MYOT: variants seen among roughly 807,000 people sequenced by gnomAD.
MYOT encodes 57 kDa cytoskeletal protein.
A neutral mutation model predicts 58.0 loss-of-function variants in MYOT; 36 were observed. That is an observed-to-expected ratio of 0.62 (90% CI 0.48 to 0.82). MYOT has a LOEUF of 0.82. Among genes scored for constraint, MYOT ranks in the 40% least tolerant of loss-of-function variants. The pLI is 0.00. For missense variants in MYOT, 505 were observed against 592.1 expected, an observed-to-expected ratio of 0.85 and a Z score of 1.53; for synonymous variants, 218 against 204.6, an observed-to-expected ratio of 1.07 and a Z score of -0.56.
chr5:137,887,101 T>C, intron 9 of MYOT, 104 bp downstream of exon 9: 1 of 1,549,706 alleles, frequency 6.5e-7, no homozygotes, highest in Non-Finnish European at 8.9e-7. Flanking sequence ...ATTTTCCCCA[T>C]ATATAATCAG....
rs1755025719 is a variant in MYOT at position 137,870,812 on chromosome 5, C to T, written c.161C>T (p.Ala54Val). Residue 54 changes from alanine (A) to valine (V), a missense_variant, in exon 2 of 10, where the codon GCC becomes GTC. Physicochemically the swap from Ala to Val is moderately conservative, Grantham distance 64. Transcript: ENST00000239926. The stretch of plus-strand genomic sequence containing the variant: ...CAGTGTACAGAGCAAAGATTTTCTG[C>T]CTCCTCAACACTGAGCTCTCACATC... ...PRQCTEQRFS[A>V]SSTLSSHITM... 1 of 1,614,150 alleles carries T rather than the reference C, an allele frequency of 6.2e-7. No homozygotes were observed. Among genetic ancestry groups the T allele is most frequent in the Middle Eastern group, 1.6e-4 (1 of 6,062 alleles).
chr5:137,870,154 A>G (rs1042215540), intron 1 of MYOT, among the ~76,000 whole-genome samples: 5 of 151,256 alleles, frequency 3.3e-5, no homozygotes, highest in Admixed American at 2.6e-4. Flanking sequence ...AGAAAGAAAG[A>G]AAAAAAGAAA....
At chr5:137,872,542 C>T (rs986076672) in intron 2 of MYOT, among the ~76,000 whole-genome samples, 4 of 152,210 alleles carry the variant, frequency 2.6e-5, no homozygotes, top group African/African-American at 9.7e-5. Flanking sequence ...TTTAGCTGTT[C>T]CATTTTCAGC....
At chr5:137,883,209 G>A (rs1755490806) in intron 6 of MYOT, 175 bp from the exon 7 acceptor site, 1 of 618,404 alleles carries the variant, frequency 1.6e-6, no homozygotes, top group Admixed American at 2.7e-5. Context: ...TAATTTCAAG[G>A]ATCTTATTTC....
Position 137,886,178 on chromosome 5 carries a change from T to C in MYOT, c.1155T>C (p.Asn385=). 6.2e-7 allele frequency: 1 copy of C among 1,612,262 alleles called. No homozygotes were observed. The highest frequency in any genetic ancestry group is 8.5e-7 in the Non-Finnish European group (1 of 1,178,640). Residue 385 remains asparagine (N), a synonymous_variant, in exon 8 of 10, where the codon AAT becomes AAC. Coordinates refer to ENST00000239926, the MANE Select transcript of MYOT (RefSeq NM_006790.3). ...IPPPKLFWKR[N]NEMVQFNTDR... ...CACCAAAGCTTTTCTGGAAAAGAAA[T>C]AATGAAATGGTACAATTCAACACTG...
chr5:137,869,204 T>C (rs1249259113), intron 1 of MYOT, among the ~76,000 whole-genome samples: 1 of 152,210 alleles, frequency 6.6e-6, no homozygotes, highest in East Asian at 1.9e-4. Flanking sequence ...TGGTTAATTT[T>C]TCAGTTAAAA....
intron 2 of MYOT, among the ~76,000 whole-genome samples, chr5:137,875,372 AAACT>A (rs1208324789): frequency 9.2e-5 from 14 of 152,284 alleles, no homozygotes; most frequent in Admixed American, 5.9e-4. Flanking sequence ...AAGGGTTCAA[AAACT>A]AACTATCAGG....
intron 7 of MYOT, 115 bp from the exon 8 acceptor site, chr5:137,885,932 GT>G (rs1034414038): frequency 1.5e-6 from 1 of 661,874 alleles, no homozygotes; most frequent in African/African-American, 1.8e-5. Context: ...GTTTCTTTCT[GT>G]TGCTGTTGCT....
At chr5:137,886,602 C>T in intron 8 of MYOT, 1 of 509,050 alleles carries the variant, frequency 2.0e-6, no homozygotes. Context: ...CCCCTCCATT[C>T]CCCTATACAT....
rs1755011445 is a variant in MYOT, at chr5:137,870,494, C to G, written c.-158C>G. 3 of 721,708 alleles carry G rather than the reference C, an allele frequency of 4.2e-6. No individual in the cohort carries two copies. The highest frequency in any genetic ancestry group is 7.5e-6 in the Non-Finnish European group (3 of 398,428). The allele number at this position is 721,708 out of a possible 1,614,324, so 44.7% of individuals were successfully genotyped here. A position where few individuals can be genotyped will look rare whatever the true frequency, so the allele number is the denominator to read the frequency against. On this transcript the variant is annotated 5_prime_UTR_variant, in exon 2 of 10. Coordinates refer to ENST00000239926, the MANE Select transcript of MYOT (RefSeq NM_006790.3). The stretch of plus-strand genomic sequence containing the variant: ...CTACCAAAGCCAGGAGCACAGTATT[C>G]TCAGGATCTCAACAAGGAAGAGCAG...
chr5:137,885,336 A>G (rs1755561990), intron 7 of MYOT, among the ~76,000 whole-genome samples: 1 of 152,204 alleles, frequency 6.6e-6, no homozygotes, highest in Admixed American at 6.5e-5. Flanking sequence ...AACAATAGAT[A>G]AAACTGAGAC....
chr5:137,886,770 A>C, intron 8 of MYOT, 94 bp from the exon 9 acceptor site: 1 of 945,244 alleles, frequency 1.1e-6, no homozygotes, highest in East Asian at 2.6e-5. Context: ...GAATTTTCAA[A>C]TGTTTTTTTC....
chr5:137,877,392 T>C (rs937830651), intron 3 of MYOT, 128 bp from the exon 4 acceptor site: 3 of 284,246 alleles, frequency 1.1e-5, no homozygotes, highest in Admixed American at 1.1e-4. Context: ...AAAAAAAAAA[T>C]AGAATCTATC....
chr5:137,879,704 T>TTC (rs1466470596), intron 4 of MYOT, among the ~76,000 whole-genome samples: 1 of 145,160 alleles, frequency 6.9e-6, no homozygotes, highest in Admixed American at 6.9e-5. Flanking sequence ...TTTTTTTTTT[T>TTC]TTTTTGTATT....
chr5:137,872,681 C>T (rs150015258), intron 2 of MYOT, among the ~76,000 whole-genome samples: 4 of 152,282 alleles, frequency 2.6e-5, no homozygotes, highest in East Asian at 3.9e-4. Context: ...GGCTCCAGTT[C>T]GCCCTGACTT....
chr5:137,875,319 A>G (rs1755174885), intron 2 of MYOT, among the ~76,000 whole-genome samples: 1 of 152,206 alleles, frequency 6.6e-6, no homozygotes, highest in Admixed American at 6.5e-5. Flanking sequence ...AAAGATGAAA[A>G]CAATAAACAC....
At chr5:137,877,359 C>A (rs1755261427) in intron 3 of MYOT, among the ~76,000 whole-genome samples, 161 bp from the exon 4 acceptor site, 5 of 132,344 alleles carry the variant, frequency 3.8e-5, no homozygotes, top group Non-Finnish European at 7.8e-5. Context: ...CGGAGTAAGA[C>A]TCCGTCTCAA....
chr5:137,886,607 A>G (rs1365159085), intron 8 of MYOT: 1 of 518,128 alleles, frequency 1.9e-6, no homozygotes, highest in African/African-American at 1.9e-5. Context: ...CCATTCCCCT[A>G]TACATACGCA....
At chr5:137,883,327 G>C in intron 6 of MYOT, 57 bp from the exon 7 acceptor site, 3 of 1,413,086 alleles carry the variant, frequency 2.1e-6, no homozygotes, top group Non-Finnish European at 3.0e-6. Flanking sequence ...TGGACAAATA[G>C]GTTTCAGTGA....
Sources: allele counts gnomAD v4.1 joint callset (sites outside exome capture counted in the v4.1 genomes callset), GRCh38; gene constraint gnomAD v4.1.1; transcripts MANE v1.5; gene names NCBI Gene and HGNC (gene_info 2026-07-23, HGNC 2026-07-21).